The following KAZN variants were observed in gnomAD, a reference collection of about 807,000 sequenced individuals.
The protein encoded by KAZN is kazrin, periplakin interacting protein.
A neutral mutation model predicts 87.4 loss-of-function variants in KAZN; 40 were observed. The observed-to-expected ratio is 0.46, with a 90% CI of 0.36 to 0.60. KAZN has a LOEUF of 0.60. KAZN is among the 20% of genes least tolerant of loss of function. The pLI, the probability that KAZN is intolerant of heterozygous loss-of-function variation, is 0.00. For missense variants in KAZN, 898 were observed against 1,073.9 expected (o/e 0.84, Z 2.29); for synonymous variants, 466 against 458.3 (o/e 1.02, Z -0.22).
At chr1:15,049,978 C>A (rs1051865017) in intron 4 of KAZN, among the ~76,000 whole-genome samples, 4 of 152,000 alleles carry the variant, frequency 2.6e-5, no homozygotes, top group Admixed American at 2.0e-4. Flanking sequence ...GAGATCACAC[C>A]ATTGCCCTCC....
At chr1:14,790,687 T>A (rs1299273126) in intron 1 of KAZN, among the ~76,000 whole-genome samples, 1 of 152,104 alleles carries the variant, frequency 6.6e-6, no homozygotes, top group Non-Finnish European at 1.5e-5. Context: ...TCCCACCAGG[T>A]CTCCTAGAAT....
At chr1:14,900,898 C>T (rs1293722880) in intron 1 of KAZN, among the ~76,000 whole-genome samples, 1 of 152,136 alleles carries the variant, frequency 6.6e-6, no homozygotes, top group Non-Finnish European at 1.5e-5. Flanking sequence ...CCCTGTGATT[C>T]CAGGGTTGGA....
At chr1:13,964,537 G>C (rs926976129) in intron 1 of KAZN, among the ~76,000 whole-genome samples, 1 of 152,140 alleles carries the variant, frequency 6.6e-6, no homozygotes. Flanking sequence ...TGTGGTTACC[G>C]GTTGGTCTAG....
intron 2 of KAZN, among the ~76,000 whole-genome samples, chr1:14,193,041 C>T (rs1458499389): frequency 1.3e-5 from 2 of 152,032 alleles, no homozygotes; most frequent in South Asian, 2.1e-4. Context: ...GGCAGTTCCC[C>T]CATGCTGTTC....
chr1:14,932,210 G>T (rs906647534), intron 1 of KAZN, among the ~76,000 whole-genome samples: 1 of 152,198 alleles, frequency 6.6e-6, no homozygotes, highest in Non-Finnish European at 1.5e-5. Context: ...CGCCTGTGGG[G>T]CCTGTTCGTC....
chr1:14,840,048 T>C (rs1647765909), intron 1 of KAZN, among the ~76,000 whole-genome samples: 1 of 151,930 alleles, frequency 6.6e-6, no homozygotes, highest in Non-Finnish European at 1.5e-5. Flanking sequence ...CCCGCTATTT[T>C]TTCTGACCCT....
chr1:14,398,779 C>G (rs1326768748), intron 2 of KAZN, among the ~76,000 whole-genome samples: 4 of 152,188 alleles, frequency 2.6e-5, no homozygotes, highest in Non-Finnish European at 5.9e-5. Flanking sequence ...GAATGGCTAT[C>G]AACAACCCAG....
chr1:14,792,930 C>G (rs1443350990), intron 1 of KAZN, among the ~76,000 whole-genome samples: 1 of 147,456 alleles, frequency 6.8e-6, no homozygotes, highest in Non-Finnish European at 1.5e-5. Flanking sequence ...GAGCCAAGAT[C>G]GTGCCATTGC....
At chr1:13,955,474 T>C (rs1371660433) in intron 1 of KAZN, among the ~76,000 whole-genome samples, 1 of 152,116 alleles carries the variant, frequency 6.6e-6, no homozygotes, top group Non-Finnish European at 1.5e-5. Context: ...GGGATTTTGG[T>C]CTTTTGGGAT....
chr1:14,816,798 A>G (rs1379427770), intron 1 of KAZN, among the ~76,000 whole-genome samples: 1 of 152,196 alleles, frequency 6.6e-6, no homozygotes, highest in East Asian at 1.9e-4. Flanking sequence ...ATAGATAGAG[A>G]TGGCTGGATG....
chr1:14,027,931 G>A (rs1323372145), intron 1 of KAZN, among the ~76,000 whole-genome samples: 2 of 152,164 alleles, frequency 1.3e-5, no homozygotes, highest in Non-Finnish European at 2.9e-5. Flanking sequence ...ATGCCAGTGG[G>A]TTTATCTGGT....
chr1:14,337,118 G>A (rs917295929), intron 2 of KAZN, among the ~76,000 whole-genome samples: 1 of 152,244 alleles, frequency 6.6e-6, no homozygotes, highest in East Asian at 1.9e-4. Flanking sequence ...CAATTTAAAT[G>A]AGATGACGCA....
intron 2 of KAZN, among the ~76,000 whole-genome samples, chr1:14,456,720 C>T (rs750375930): frequency 1.3e-5 from 2 of 152,150 alleles, no homozygotes; most frequent in Admixed American, 6.5e-5. Context: ...CTTATATGCA[C>T]CCTTTCATAG....
intron 1 of KAZN, among the ~76,000 whole-genome samples, chr1:14,869,150 G>C (rs1339913449): frequency 6.6e-6 from 1 of 152,164 alleles, no homozygotes; most frequent in African/African-American, 2.4e-5. Context: ...GGTTGGGATC[G>C]AAGTTTAGTA....
intron 1 of KAZN, among the ~76,000 whole-genome samples, chr1:13,912,889 C>T (rs1005411771): frequency 1.3e-5 from 2 of 152,208 alleles, no homozygotes; most frequent in Non-Finnish European, 2.9e-5. Flanking sequence ...AGCCACTGTG[C>T]CTGGCCCTAA....
intron 2 of KAZN, among the ~76,000 whole-genome samples, chr1:14,579,666 G>T (rs1328662012): frequency 6.6e-6 from 1 of 150,762 alleles, no homozygotes; most frequent in African/African-American, 2.4e-5. Flanking sequence ...GCTACAGTAA[G>T]CATACTATTT....
intron 1 of KAZN, among the ~76,000 whole-genome samples, chr1:14,958,434 C>G (rs1663422837): frequency 6.6e-6 from 1 of 152,002 alleles, no homozygotes; most frequent in Non-Finnish European, 1.5e-5. Context: ...ACACAAGGCA[C>G]TTCCTGGGTA....
intron 1 of KAZN, among the ~76,000 whole-genome samples, chr1:14,620,256 C>T (rs1678588779): frequency 6.6e-6 from 1 of 152,148 alleles, no homozygotes; most frequent in Admixed American, 6.5e-5. Context: ...CTATTTAAAA[C>T]TAAAGAGCAG....
At chr1:14,954,390 T>C (rs1331016438) in intron 1 of KAZN, among the ~76,000 whole-genome samples, 3 of 152,248 alleles carry the variant, frequency 2.0e-5, no homozygotes, top group Admixed American at 6.5e-5. Flanking sequence ...GAAAGTTTTC[T>C]CCAGTAAGGA....
Sources: allele counts gnomAD v4.1 joint callset (sites outside exome capture counted in the v4.1 genomes callset), GRCh38; gene constraint gnomAD v4.1.1; transcripts MANE v1.5; gene names NCBI Gene and HGNC (gene_info 2026-07-23, HGNC 2026-07-21).